Variants in BZW2 observed in about 807,000 individuals in gnomAD.
BZW2 encodes the protein basic leucine zipper and W2 domains 2.
A neutral mutation model predicts 53.2 loss-of-function variants in BZW2; 23 were observed. The observed-to-expected ratio is 0.43, with a 90% CI of 0.31 to 0.61. The LOEUF (loss-of-function observed/expected upper bound fraction) is 0.61. BZW2 is among the 20% of genes least tolerant of loss of function. The probability of loss-of-function intolerance (pLI) is 0.09; values close to 1 mark genes in which losing one functional copy is unlikely to be tolerated. For missense variants in BZW2, 409 were observed against 503.1 expected, an observed-to-expected ratio of 0.81 and a Z score of 1.79; for synonymous variants, 227 against 186.4, an observed-to-expected ratio of 1.22 and a Z score of -1.77.
At chr7:16,691,300 G>A (rs577810550) in intron 7 of BZW2, among the ~76,000 whole-genome samples, 1 of 152,288 alleles carries the variant, frequency 6.6e-6, no homozygotes, top group Admixed American at 6.5e-5. Flanking sequence ...ACTTTCTAGT[G>A]GACTTAGGGC....
intron 7 of BZW2, 99 bp from the exon 8 acceptor site, chr7:16,694,735 C>T: frequency 1.0e-6 from 1 of 1,004,406 alleles, no homozygotes; most frequent in South Asian, 3.0e-5. Context: ...TCTTTTCTTC[C>T]AAATGTGAGA....
intron 3 of BZW2, among the ~76,000 whole-genome samples, chr7:16,680,230 C>A (rs556390778): frequency 2.6e-5 from 4 of 152,180 alleles, no homozygotes; most frequent in Non-Finnish European, 5.9e-5. Flanking sequence ...AGAGTATCTG[C>A]AAAATACTTG....
chr7:16,681,237 T>C, intron 3 of BZW2, 64 bp from the exon 4 acceptor site: 1 of 1,224,480 alleles, frequency 8.2e-7, no homozygotes, highest in Non-Finnish European at 1.2e-6. Context: ...AGAATTGATG[T>C]GTTCTGCAAA....
intron 7 of BZW2, 75 bp from the exon 8 acceptor site, chr7:16,694,759 A>G (rs1583748426): frequency 1.7e-6 from 2 of 1,208,692 alleles, no homozygotes; most frequent in Non-Finnish European, 2.2e-6. Context: ...TCTAAGTGAA[A>G]TGAAGACTTT....
chr7:16,704,584 T>C lies in BZW2; in HGVS notation c.1146T>C (p.Tyr382=). ...VLSEEAILKW[Y]KEAHVAKGKS... ...GCGAAGAAGCAATACTGAAATGGTA[T>C]AAGGAAGCACATGTTGCTAAAGGCA... is the stretch of plus-strand genomic sequence containing the variant. Residue 382 remains tyrosine, a synonymous_variant, in exon 11 of 12, where the codon TAT becomes TAC. Transcript: ENST00000258761. 6.3e-7 allele frequency: 1 copy of C among 1,592,342 alleles called. No homozygotes were observed.
chr7:16,669,492 A>G (rs115564723), intron 2 of BZW2, among the ~76,000 whole-genome samples: 2,940 of 152,340 alleles, frequency 0.019, 82 homozygotes, highest in African/African-American at 0.067. Flanking sequence ...TAAATGAGCA[A>G]ACCTTTAAAT....
At chr7:16,669,495 C>T (rs1782536728) in intron 2 of BZW2, among the ~76,000 whole-genome samples, 1 of 151,976 alleles carries the variant, frequency 6.6e-6, no homozygotes, top group Non-Finnish European at 1.5e-5. Flanking sequence ...ATGAGCAAAC[C>T]TTTAAATCTT....
chr7:16,672,259 C>A (rs983931411), intron 2 of BZW2, among the ~76,000 whole-genome samples: 1 of 152,048 alleles, frequency 6.6e-6, no homozygotes, highest in East Asian at 1.9e-4. Flanking sequence ...ATTTCCTTTC[C>A]TTTGTTTTCT....
chr7:16,664,026 G>A (rs1490184451), intron 1 of BZW2, among the ~76,000 whole-genome samples: 1 of 152,110 alleles, frequency 6.6e-6, no homozygotes, highest in Non-Finnish European at 1.5e-5. Flanking sequence ...TTATTGCATA[G>A]AAAACCATAT....
intron 6 of BZW2, among the ~76,000 whole-genome samples, chr7:16,687,772 G>C (rs919378616): frequency 6.6e-6 from 1 of 152,004 alleles, no homozygotes; most frequent in African/African-American, 2.4e-5. Context: ...ATTTTCCCCA[G>C]CTCATCCAAT....
rs752158770 is a variant in BZW2 at position 16,704,608 on chromosome 7, CA to C, written c.1174del (p.Ser392ValfsTer7). On this transcript the variant is annotated frameshift_variant, in exon 11 of 12. Transcript: ENST00000258761. LOFTEE classifies it high-confidence loss of function. ...WYKEAHVAKG[K>X]SVFLDQMKKF... The stretch of plus-strand genomic sequence containing the variant: ...ATAAGGAAGCACATGTTGCTAAAGG[CA>C]AAAGTGTTTTTCTTGACCAGATGAA... 3 of 1,596,250 alleles carry C rather than the reference CA, an allele frequency of 1.9e-6. No individual in the cohort carries two copies. Among genetic ancestry groups the C allele is most frequent in the Non-Finnish European group, 2.6e-6 (3 of 1,166,286 alleles).
At position 16,698,114 on chromosome 7, in the gene BZW2, G is replaced by C; in HGVS notation, c.1036G>C (p.Val346Leu). ...GQSELILLQK[V>L]QEYCYDNIHF... is the part of the protein sequence containing the mutation. ...GTCAGAGCTGATCCTCCTCCAGAAG[G>C]TTCAGGAATACTGCTACGACAACAT... Residue 346 changes from valine to leucine, a missense_variant, in exon 10 of 12, where the codon GTT (valine) becomes CTT (leucine). Physicochemically the swap from Val to Leu is conservative, Grantham distance 32 (BLOSUM62 1). Coordinates refer to ENST00000258761, the MANE Select transcript of BZW2 (RefSeq NM_014038.3). 1 of 1,614,148 alleles carries C rather than the reference G, an allele frequency of 6.2e-7. No homozygotes were observed. Among genetic ancestry groups the C allele is most frequent in the East Asian group, 2.2e-5 (1 of 44,880 alleles).
chr7:16,702,704 A>G (rs544104189), intron 10 of BZW2, among the ~76,000 whole-genome samples: 221 of 152,314 alleles, frequency 1.5e-3, no homozygotes, highest in Non-Finnish European at 1.8e-3. Flanking sequence ...ACTGCAGTCT[A>G]CATCAGCTTT....
At position 16,659,725 on chromosome 7, in the gene BZW2, T is replaced by G. The variant is rs11977656; in HGVS notation, c.-7-5712T>G. On this transcript the variant is annotated intron_variant, in intron 1 of 11. Coordinates refer to ENST00000258761, the MANE Select transcript of BZW2 (RefSeq NM_014038.3). ...AACTTGTTATTAAATACAAAGTACT[T>G]CATGAGAACACTGCAGTGAAGTGTC... 7.2e-4 allele frequency among the ~76,000 whole-genome samples: 109 copies of G among 152,298 alleles called. 1 individual carries two copies. Among genetic ancestry groups the G allele is most frequent in the African/African-American group, 2.5e-3 (103 of 41,590 alleles).
At chr7:16,682,724 A>T in intron 4 of BZW2, 56 bp from the exon 5 acceptor site, 1 of 1,141,912 alleles carries the variant, frequency 8.8e-7, no homozygotes, top group South Asian at 1.5e-5. Flanking sequence ...AGTTTCTATT[A>T]CCTACTTCTG....
intron 7 of BZW2, among the ~76,000 whole-genome samples, chr7:16,690,627 T>C (rs1241240346): frequency 6.6e-6 from 1 of 152,208 alleles, no homozygotes; most frequent in Non-Finnish European, 1.5e-5. Context: ...ATCTCAAATG[T>C]GTGTTAAATA....
intron 3 of BZW2, among the ~76,000 whole-genome samples, chr7:16,680,933 G>T (rs1281415197): frequency 1.3e-5 from 2 of 151,936 alleles, no homozygotes; most frequent in African/African-American, 4.8e-5. Flanking sequence ...GTGAAACCCC[G>T]TCTCTACTAA....
chr7:16,685,502 G>A (rs1054746782), intron 5 of BZW2, among the ~76,000 whole-genome samples: 1 of 151,896 alleles, frequency 6.6e-6, no homozygotes, highest in African/African-American at 2.4e-5. Flanking sequence ...CATGTAGCAG[G>A]GGAAGAGGTA....
In BZW2 at chr7:16,690,143, T is replaced by C. The variant is rs552074648; in HGVS notation, c.651+237T>C. Among the ~76,000 whole-genome samples, 7 of 152,322 alleles carry C rather than the reference T, an allele frequency of 4.6e-5. No homozygotes were observed. The East Asian group carries it at 1.3e-3, about 29-fold the overall frequency. ...AATATAGACTTCCAAATTTGTAAGT[T>C]TGTTGACATAGTATTAACATTTCAT... is the stretch of plus-strand genomic sequence containing the variant. On this transcript the variant is annotated intron_variant, in intron 7 of 11. Coordinates refer to ENST00000258761, the MANE Select transcript of BZW2 (RefSeq NM_014038.3).
Sources: allele counts gnomAD v4.1 joint callset (sites outside exome capture counted in the v4.1 genomes callset), GRCh38; gene constraint gnomAD v4.1.1; transcripts MANE v1.5; gene names NCBI Gene and HGNC (gene_info 2026-07-23, HGNC 2026-07-21).